The following NRXN1 variants were observed in gnomAD, a reference collection of about 807,000 sequenced individuals.
NRXN1 encodes the protein neurexin 1.
NRXN1 carries 39 observed loss-of-function variants against 150.9 expected under a neutral mutation model. That is an observed-to-expected ratio of 0.26 (90% CI 0.20 to 0.34). The LOEUF is 0.34. NRXN1 is among the 10% of genes least tolerant of loss of function. The pLI is 1.00. For synonymous variants in NRXN1, 924 were observed against 757.0 expected (o/e 1.22, Z -3.62); for missense variants, 1,815 against 1,949.9 (o/e 0.93, Z 1.30).
In NRXN1 at chr2:50,979,297, C is replaced by T. The variant is rs370406313; in HGVS notation, c.772+48205G>A. The T allele has an allele frequency of 9.7e-6, 5 of 517,738 alleles. 1 individual carries two copies. The highest frequency in any genetic ancestry group is 1.9e-5 in the Non-Finnish European group (5 of 259,386). The allele number at this position is 517,738 out of a possible 1,614,324, so 32.1% of individuals were successfully genotyped here. On this transcript the variant is annotated intron_variant, in intron 2 of 22. Coordinates refer to ENST00000401669, the MANE Select transcript of NRXN1 (RefSeq NM_001330078.2). ...TCAGCTGGAAGGAAGAGAGAACTTCCTCACCCATGGACAATGTGACAGCAA... is the reference window on the plus strand; with the variant it reads ...TCAGCTGGAAGGAAGAGAGAACTTCTTCACCCATGGACAATGTGACAGCAA...
chr2:50,645,504 T>G (rs1684693357), intron 5 of NRXN1, among the ~76,000 whole-genome samples: 1 of 151,952 alleles, frequency 6.6e-6, no homozygotes, highest in Admixed American at 6.6e-5. Context: ...ACATCTCCCA[T>G]GAAAACGTGA....
intron 18 of NRXN1, among the ~76,000 whole-genome samples, chr2:50,212,283 A>C (rs1431590806): frequency 2.7e-5 from 4 of 148,450 alleles, no homozygotes; most frequent in Non-Finnish European, 6.0e-5. Flanking sequence ...AGTGAAAAAA[A>C]TATGCTTTGA....
At chr2:50,715,580 C>T (rs376928663) in intron 5 of NRXN1, among the ~76,000 whole-genome samples, 38 of 152,138 alleles carry the variant, frequency 2.5e-4, no homozygotes, top group African/African-American at 8.4e-4. Flanking sequence ...TTGTCTCCAA[C>T]CTAATTTCCC....
intron 5 of NRXN1, among the ~76,000 whole-genome samples, chr2:50,646,877 G>T (rs1684893160): frequency 6.6e-6 from 1 of 151,740 alleles, no homozygotes; most frequent in South Asian, 2.1e-4. Flanking sequence ...GTCCCTTGAG[G>T]AGACAGGGAG....
intron 18 of NRXN1, among the ~76,000 whole-genome samples, chr2:50,205,957 G>C (rs1014088472): frequency 3.3e-5 from 5 of 151,992 alleles, no homozygotes; most frequent in Admixed American, 1.3e-4. Context: ...GAAGGAGAGA[G>C]AAGGGATGTC....
chr2:50,794,845 T>G (rs1574497949), intron 5 of NRXN1, among the ~76,000 whole-genome samples: 2 of 152,098 alleles, frequency 1.3e-5, no homozygotes, highest in East Asian at 3.9e-4. Context: ...GAAACACAAT[T>G]TTTTCATAGT....
intron 8 of NRXN1, among the ~76,000 whole-genome samples, chr2:50,605,893 T>C (rs1190468590): frequency 6.6e-6 from 1 of 152,150 alleles, no homozygotes; most frequent in African/African-American, 2.4e-5. Flanking sequence ...GCACACAACC[T>C]AAATATCCAT....
intron 22 of NRXN1, among the ~76,000 whole-genome samples, chr2:49,933,298 G>T (rs1252325398): frequency 1.3e-5 from 2 of 152,188 alleles, no homozygotes; most frequent in East Asian, 3.9e-4. Context: ...GTGTTAGCCA[G>T]GATGGTCTCG....
chr2:50,982,834 T>C (rs561706555), intron 2 of NRXN1, among the ~76,000 whole-genome samples: 4 of 152,222 alleles, frequency 2.6e-5, no homozygotes, highest in African/African-American at 9.6e-5. Flanking sequence ...AACTCATAAA[T>C]GTATTATTCC....
chr2:50,645,060 C>G (rs890779005), intron 5 of NRXN1, among the ~76,000 whole-genome samples: 2 of 151,690 alleles, frequency 1.3e-5, no homozygotes, highest in Non-Finnish European at 2.9e-5. Flanking sequence ...TACAAAATGT[C>G]TTTTTCCACC....
At chr2:50,415,731 G>A (rs960695692) in intron 17 of NRXN1, among the ~76,000 whole-genome samples, 1 of 151,796 alleles carries the variant, frequency 6.6e-6, no homozygotes, top group Admixed American at 6.6e-5. Flanking sequence ...TAAATATTGA[G>A]TCCAGGACCA....
At chr2:50,382,029 G>A (rs143140982) in intron 17 of NRXN1, among the ~76,000 whole-genome samples, 71 of 152,212 alleles carry the variant, frequency 4.7e-4, no homozygotes, top group African/African-American at 1.6e-3. Context: ...TCTGAAGAGG[G>A]ATTCTGCAAG....
chr2:50,213,921 A>G (rs1488065732), intron 18 of NRXN1, among the ~76,000 whole-genome samples: 2 of 151,958 alleles, frequency 1.3e-5, no homozygotes, highest in South Asian at 2.1e-4. Flanking sequence ...CTTTCTAAAT[A>G]TTAATGCATC....
At chr2:50,068,049 T>TA (rs1558806817) in intron 19 of NRXN1, among the ~76,000 whole-genome samples, 1 of 152,182 alleles carries the variant, frequency 6.6e-6, no homozygotes, top group African/African-American at 2.4e-5. Flanking sequence ...ATGTGGCCTA[T>TA]AAATGGAACT....
intron 5 of NRXN1, among the ~76,000 whole-genome samples, chr2:50,753,705 G>GA (rs2105342545): frequency 1.3e-5 from 2 of 151,896 alleles, no homozygotes; most frequent in South Asian, 4.2e-4. Flanking sequence ...GTTTAAGTAG[G>GA]AAAAACTGCA....
At chr2:50,102,638 G>C (rs563250764) in intron 18 of NRXN1, among the ~76,000 whole-genome samples, 1 of 152,098 alleles carries the variant, frequency 6.6e-6, no homozygotes, top group African/African-American at 2.4e-5. Context: ...TTTCAAGAAG[G>C]CAAAGAGTAA....
At position 50,619,933 on chromosome 2, in the gene NRXN1, C is replaced by G. The variant is rs1559029566; in HGVS notation, c.1320+89G>C. 2.5e-6 allele frequency: 3 copies of G among 1,211,448 alleles called. No individual in the cohort carries two copies. In the South Asian group the frequency reaches 6.3e-5, roughly 25 times the overall value. 75.0% of individuals were successfully genotyped at this position (1,211,448 alleles called of 1,614,324 possible). A position where few individuals can be genotyped will look rare whatever the true frequency, so the allele number is the denominator to read the frequency against. The stretch of plus-strand genomic sequence containing the variant: ...AAAGTTGTGCCGTTTGACTCTGGAA[C>G]ATCGGGTCTTCAGCAAAGGTGCTTT... On this transcript the variant is annotated intron_variant, in intron 8 of 22. Coordinates refer to ENST00000401669, the MANE Select transcript of NRXN1 (RefSeq NM_001330078.2).
At chr2:50,137,445 G>A (rs886800109) in intron 18 of NRXN1, among the ~76,000 whole-genome samples, 19 of 152,036 alleles carry the variant, frequency 1.2e-4, no homozygotes, top group Admixed American at 5.9e-4. Context: ...GTATGGATTT[G>A]CACTGAAATT....
rs529243749 is a variant in NRXN1, at chr2:50,779,349, A to C, written c.832+142520T>G. 4.7e-4 allele frequency among the ~76,000 whole-genome samples: 72 copies of C among 151,898 alleles called. 1 individual carries two copies. The Middle Eastern group carries it at 0.014, about 29-fold the overall frequency. On this transcript the variant is annotated intron_variant, in intron 5 of 22. Transcript: ENST00000401669. ...ATCCATGTCCCTGCAAAATACATGA[A>C]CTCATCTTTTTTATGGCTGCATAGT... is the stretch of plus-strand genomic sequence containing the variant.
Sources: gnomAD v4.1 joint callset for allele counts (sites outside exome capture counted in the v4.1 genomes callset) on GRCh38, gnomAD v4.1.1 for gene constraint, MANE v1.5 for transcripts, NCBI Gene and HGNC (gene_info 2026-07-23, HGNC 2026-07-21) for gene names.